SLC5A4: variants seen among roughly 807,000 people sequenced by gnomAD.
The protein encoded by SLC5A4 is solute carrier family 5 member 4.
SLC5A4 carries 55 observed loss-of-function variants against 70.3 expected under a neutral mutation model. The ratio of observed to expected loss-of-function variants is 0.78; its 90% confidence interval spans 0.63 to 0.98. SLC5A4 has a LOEUF of 0.98. Among genes scored for constraint, SLC5A4 ranks in the 50% least tolerant of loss-of-function variants. The pLI is 0.00. For missense variants in SLC5A4, 735 were observed against 839.2 expected, an observed-to-expected ratio of 0.88 and a Z score of 1.53; for synonymous variants, 268 against 305.7, an observed-to-expected ratio of 0.88 and a Z score of 1.29.
At chr22:32,315,695 A>G in the SLC5A4 span, among the ~76,000 whole-genome samples, 3 of 151,660 alleles carry the variant, frequency 2.0e-5, no homozygotes, top group South Asian at 2.1e-4. Flanking sequence ...AACCCCCACA[A>G]AACTATAAAA....
chr22:32,257,534 T>C (rs1041686686), upstream of SLC5A4, among the ~76,000 whole-genome samples: 3 of 152,114 alleles, frequency 2.0e-5, no homozygotes, highest in Admixed American at 1.3e-4. Context: ...TTCATTTTTT[T>C]AGAGGTGGGG....
the SLC5A4 span, chr22:32,268,373 G>A: frequency 6.6e-6 from 1 of 152,110 alleles, no homozygotes; most frequent in African/African-American, 2.4e-5. Context: ...TACCTAAGTC[G>A]TGGATGTGTC....
chr22:32,239,521 TATATATATATATATATATATATATATA>T (rs1926269616), intron 5 of SLC5A4, among the ~76,000 whole-genome samples: 1 of 5,382 alleles, frequency 1.9e-4, no homozygotes, highest in African/African-American at 1.3e-3. Flanking sequence ...GTGCATATTA[TATATATATATATATATATATATATATA>T]TATATATATA....
chr22:32,258,756 T>C (rs1357935253), upstream of SLC5A4, among the ~76,000 whole-genome samples: 2 of 152,114 alleles, frequency 1.3e-5, no homozygotes, highest in Non-Finnish European at 2.9e-5. Flanking sequence ...GAAATTGGCA[T>C]CGCAAAAAGA....
At chr22:32,338,707 C>G in the SLC5A4 span, among the ~76,000 whole-genome samples, 3 of 152,300 alleles carry the variant, frequency 2.0e-5, no homozygotes, top group Non-Finnish European at 4.4e-5. Flanking sequence ...GCACCCCATA[C>G]TGGAGAGGGT....
chr22:32,295,159 T>C, the SLC5A4 span, among the ~76,000 whole-genome samples: 1 of 108,570 alleles, frequency 9.2e-6, no homozygotes, highest in Admixed American at 1.0e-4. Context: ...GCATGATTTA[T>C]AGTCCTTTGG....
chr22:32,348,609 T>C, the SLC5A4 span, among the ~76,000 whole-genome samples: 35,855 of 152,188 alleles, frequency 0.24, 4,979 homozygotes, highest in East Asian at 0.48. Flanking sequence ...ATCTTTAATG[T>C]TAAAGCTACT....
chr22:32,259,921 A>G (rs1927673790), upstream of SLC5A4, among the ~76,000 whole-genome samples: 1 of 152,200 alleles, frequency 6.6e-6, no homozygotes, highest in Non-Finnish European at 1.5e-5. Flanking sequence ...CACAGGGTGG[A>G]GCGGTGGGAT....
intron 3 of SLC5A4, among the ~76,000 whole-genome samples, chr22:32,251,268 C>T (rs192141585): frequency 2.0e-5 from 3 of 151,280 alleles, no homozygotes; most frequent in Non-Finnish European, 4.4e-5. Flanking sequence ...CAACGTGTAC[C>T]ACCAAGTTCA....
At chr22:32,250,363 C>T (rs1308251712) in intron 3 of SLC5A4, among the ~76,000 whole-genome samples, 1 of 151,982 alleles carries the variant, frequency 6.6e-6, no homozygotes, top group East Asian at 1.9e-4. Context: ...TACAAAAAAC[C>T]AAAAACCTAG....
At position 32,218,499 on chromosome 22, in the gene SLC5A4, T is replaced by C. The variant is rs1234185761; in HGVS notation, c.*15A>G. 6.6e-7 allele frequency: 1 copy of C among 1,504,510 alleles called. No homozygotes were observed. Among genetic ancestry groups the C allele is most frequent in the Non-Finnish European group, 9.1e-7 (1 of 1,094,654 alleles). 93.2% of individuals were successfully genotyped at this position (1,504,510 alleles called of 1,614,324 possible). A position where few individuals can be genotyped will look rare whatever the true frequency, so the allele number is the denominator to read the frequency against. ...TATTAAGAATTATTCATTATTCTAA[T>C]GGCTCAGATAGAGTTCAGGCATAGT... is the stretch of plus-strand genomic sequence containing the variant. On this transcript the variant is annotated 3_prime_UTR_variant, in exon 15 of 15. Coordinates refer to ENST00000266086, the MANE Select transcript of SLC5A4 (RefSeq NM_014227.3).
intron 5 of SLC5A4, among the ~76,000 whole-genome samples, chr22:32,241,474 G>A (rs946127702): frequency 4.6e-5 from 7 of 152,190 alleles, no homozygotes; most frequent in African/African-American, 1.7e-4. Context: ...AATAAGTTCT[G>A]AATTCATAGT....
the SLC5A4 span, among the ~76,000 whole-genome samples, chr22:32,281,490 A>T: frequency 6.6e-6 from 1 of 152,224 alleles, no homozygotes; most frequent in Admixed American, 6.5e-5. Context: ...TCCTAGCACC[A>T]GCATTCATGC....
At chr22:32,324,260 C>T in the SLC5A4 span, among the ~76,000 whole-genome samples, 20,119 of 129,236 alleles carry the variant, frequency 0.16, 1,557 homozygotes, top group Non-Finnish European at 0.19. Context: ...TATATACACA[C>T]ATATATGTAT....
intron 2 of SLC5A4, among the ~76,000 whole-genome samples, chr22:32,252,527 C>CT (rs1927232483): frequency 6.6e-6 from 1 of 152,146 alleles, no homozygotes; most frequent in South Asian, 2.1e-4. Flanking sequence ...ACTTGGGCTG[C>CT]TTTTTGTCCT....
At chr22:32,241,861 G>A (rs9619255) in intron 5 of SLC5A4, among the ~76,000 whole-genome samples, 11,241 of 148,654 alleles carry the variant, frequency 0.076, 948 homozygotes, top group African/African-American at 0.21. Context: ...GTGTGTGTGT[G>A]TATATATATG....
chr22:32,306,410 G>C, the SLC5A4 span, among the ~76,000 whole-genome samples: 7 of 150,006 alleles, frequency 4.7e-5, no homozygotes, highest in African/African-American at 1.7e-4. Flanking sequence ...AGCTTGCAGT[G>C]ACCCGAGATT....
At chr22:32,319,050 A>G in the SLC5A4 span, among the ~76,000 whole-genome samples, 1 of 152,236 alleles carries the variant, frequency 6.6e-6, no homozygotes, top group Non-Finnish European at 1.5e-5. Context: ...AGACCTAAAC[A>G]GAACCAACAA....
chr22:32,292,133 T>TTATATATAATA, the SLC5A4 span, among the ~76,000 whole-genome samples: 174 of 36,824 alleles, frequency 4.7e-3, 11 homozygotes, highest in Middle Eastern at 9.3e-3. Flanking sequence ...ATACTAGATA[T>TTATATATAATA]TATATATTAT....
Sources: gnomAD v4.1 joint callset for allele counts (sites outside exome capture counted in the v4.1 genomes callset) on GRCh38, gnomAD v4.1.1 for gene constraint, MANE v1.5 for transcripts, NCBI Gene and HGNC (gene_info 2026-07-23, HGNC 2026-07-21) for gene names.